ARHGAP6: variants seen among roughly 807,000 people sequenced by gnomAD.
The protein encoded by ARHGAP6 is Rho GTPase activating protein 6.
Under a neutral mutation model 55.7 loss-of-function variants are expected in ARHGAP6, and 16 were observed. The observed-to-expected ratio is 0.29, with a 90% CI of 0.19 to 0.44. ARHGAP6 has a LOEUF of 0.44. Among genes scored for constraint, ARHGAP6 ranks in the 20% least tolerant of loss-of-function variants. ARHGAP6 has a pLI of 1.00. For missense variants in ARHGAP6, 698 were observed against 808.9 expected (o/e 0.86, Z 1.66); for synonymous variants, 382 against 360.9 (o/e 1.06, Z -0.66).
chrX:11,426,373 T>C (rs1461065858), intron 1 of ARHGAP6, among the ~76,000 whole-genome samples: 1 of 110,362 alleles, frequency 9.1e-6, no homozygotes, highest in Non-Finnish European at 1.9e-5. Flanking sequence ...TTTTTTTTTT[T>C]ATGTTGGGGA....
intron 1 of ARHGAP6, among the ~76,000 whole-genome samples, chrX:11,370,544 A>C (rs750998830): frequency 8.9e-6 from 1 of 111,808 alleles, no homozygotes; most frequent in Non-Finnish European, 1.9e-5. Flanking sequence ...AAGTGATATC[A>C]GAAACTTGGA....
intron 1 of ARHGAP6, among the ~76,000 whole-genome samples, chrX:11,278,903 T>C (rs1161618917): frequency 1.8e-5 from 2 of 111,160 alleles, no homozygotes; most frequent in Non-Finnish European, 3.8e-5. Context: ...CCCCAGAATA[T>C]AGTTGGGACA....
chrX:11,368,712 T>C (rs1359691945), intron 1 of ARHGAP6, among the ~76,000 whole-genome samples: 1 of 112,155 alleles, frequency 8.9e-6, no homozygotes, highest in Non-Finnish European at 1.9e-5. Flanking sequence ...TAAAGGGTAT[T>C]ACCTAGTCCT....
At chrX:11,143,718 T>C in intron 11 of ARHGAP6, 1 of 1,097,272 alleles carries the variant, frequency 9.1e-7, no homozygotes. Flanking sequence ...GAGTGGCTCC[T>C]CTGGGCATGC....
intron 1 of ARHGAP6, among the ~76,000 whole-genome samples, chrX:11,631,164 A>T (rs2052356410): frequency 9.0e-6 from 1 of 111,678 alleles, no homozygotes; most frequent in Non-Finnish European, 1.9e-5. Context: ...GATCTTGTGC[A>T]ATGTCTGTGT....
At chrX:11,642,013 C>T (rs1173494253) in intron 1 of ARHGAP6, among the ~76,000 whole-genome samples, 2 of 111,535 alleles carry the variant, frequency 1.8e-5, no homozygotes, top group Non-Finnish European at 3.8e-5. Flanking sequence ...CCGATTTTAC[C>T]CTTTCTTTTA....
At chrX:11,220,225 T>C (rs2147413676) in intron 2 of ARHGAP6, among the ~76,000 whole-genome samples, 1 of 111,444 alleles carries the variant, frequency 9.0e-6, no homozygotes, top group East Asian at 2.8e-4. Context: ...TTCTGAGGGC[T>C]CTGTTCTGTT....
chrX:11,449,197 T>C (rs2050121406), intron 1 of ARHGAP6, among the ~76,000 whole-genome samples: 1 of 111,914 alleles, frequency 8.9e-6, no homozygotes, highest in Non-Finnish European at 1.9e-5. Flanking sequence ...CTATACGTTT[T>C]ATTTCCTTTG....
chrX:11,628,076 A>C (rs189073185), intron 1 of ARHGAP6, among the ~76,000 whole-genome samples: 1 of 112,565 alleles, frequency 8.9e-6, no homozygotes, highest in African/African-American at 3.2e-5. Context: ...ATAAGTTGAA[A>C]CAAAGATGAG....
intron 1 of ARHGAP6, among the ~76,000 whole-genome samples, chrX:11,348,960 T>C (rs936084201): frequency 1.4e-4 from 16 of 111,277 alleles, no homozygotes; most frequent in African/African-American, 5.2e-4. Flanking sequence ...ATTAGATGTT[T>C]GGGAAAAATA....
intron 1 of ARHGAP6, among the ~76,000 whole-genome samples, chrX:11,482,785 A>G (rs991942241): frequency 7.3e-4 from 81 of 111,554 alleles, no homozygotes; most frequent in African/African-American, 2.5e-3. Flanking sequence ...TTGCCTGCAC[A>G]TGTGAAGAAC....
intron 1 of ARHGAP6, among the ~76,000 whole-genome samples, chrX:11,333,333 G>C (rs2048585795): frequency 9.0e-6 from 1 of 111,516 alleles, no homozygotes; most frequent in South Asian, 3.8e-4. Flanking sequence ...AGATCTGATG[G>C]TTTTATAAGG....
chrX:11,497,630 C>T (rs1450559563), intron 1 of ARHGAP6, among the ~76,000 whole-genome samples: 2 of 100,339 alleles, frequency 2.0e-5, no homozygotes, highest in East Asian at 3.2e-4. Context: ...CATTTGCAAT[C>T]CAGGTAAAGA....
chrX:11,310,369 C>T (rs2048286861), intron 1 of ARHGAP6, among the ~76,000 whole-genome samples: 1 of 110,664 alleles, frequency 9.0e-6, no homozygotes, highest in Non-Finnish European at 1.9e-5. Context: ...TGTAAGTCTG[C>T]ACAAAAACTT....
chrX:11,385,796 GTGTTT>G (rs1453435278), intron 1 of ARHGAP6, among the ~76,000 whole-genome samples: 1 of 111,938 alleles, frequency 8.9e-6, no homozygotes, highest in African/African-American at 3.2e-5. Context: ...GAAAGGTGTT[GTGTTT>G]TGTTTTGTTT....
At chrX:11,482,869 A>G (rs769272105) in intron 1 of ARHGAP6, among the ~76,000 whole-genome samples, 26 of 111,296 alleles carry the variant, frequency 2.3e-4, no homozygotes, top group Non-Finnish European at 4.7e-4. Flanking sequence ...CACAGCACTG[A>G]GTGGGGTCTA....
At chrX:11,428,822 T>C (rs996082074) in intron 1 of ARHGAP6, among the ~76,000 whole-genome samples, 5 of 111,817 alleles carry the variant, frequency 4.5e-5, no homozygotes, top group African/African-American at 1.6e-4. Flanking sequence ...AGCATAATTA[T>C]AATTAGCAGT....
At chrX:11,628,955 G>A (rs887905368) in intron 1 of ARHGAP6, among the ~76,000 whole-genome samples, 6 of 109,061 alleles carry the variant, frequency 5.5e-5, no homozygotes, top group African/African-American at 2.0e-4. Context: ...TATTATTACT[G>A]TCATATGATC....
chrX:11,616,516 C>T (rs905484043), intron 1 of ARHGAP6, among the ~76,000 whole-genome samples: 1 of 110,400 alleles, frequency 9.1e-6, no homozygotes, highest in Admixed American at 9.7e-5. Flanking sequence ...TTAGTACAGA[C>T]GGGTTTTCAC....
Sources: gnomAD v4.1 joint callset for allele counts (sites outside exome capture counted in the v4.1 genomes callset) on GRCh38, gnomAD v4.1.1 for gene constraint, MANE v1.5 for transcripts, NCBI Gene and HGNC (gene_info 2026-07-23, HGNC 2026-07-21) for gene names.